GNAL: variants seen among roughly 807,000 people sequenced by gnomAD.
GNAL encodes the protein G protein subunit alpha L.
Under a neutral mutation model 55.1 loss-of-function variants are expected in GNAL, and 18 were observed. The ratio of observed to expected loss-of-function variants is 0.33; its 90% CI spans 0.23 to 0.48. GNAL has a LOEUF of 0.48. GNAL is among the 20% of genes least tolerant of loss of function. The pLI is 0.99. For missense variants in GNAL, 412 were observed against 614.1 expected, an observed-to-expected ratio of 0.67 and a Z score of 3.48; for synonymous variants, 253 against 237.0, an observed-to-expected ratio of 1.07 and a Z score of -0.62.
In GNAL at chr18:11,864,618, G is replaced by C. The variant is rs766211598; in HGVS notation, c.851+12G>C. 54 of 1,429,774 alleles carry C rather than the reference G, an allele frequency of 3.8e-5. No individual in the cohort carries two copies. The South Asian group carries it at 5.8e-4, about 15-fold the overall frequency. 88.6% of individuals were successfully genotyped at this position (1,429,774 alleles called of 1,614,324 possible). A position where few individuals can be genotyped will look rare whatever the true frequency, so the allele number is the denominator to read the frequency against. On this transcript the variant is annotated intron_variant, in intron 7 of 11. Coordinates refer to ENST00000334049, the MANE Select transcript of GNAL (RefSeq NM_182978.4). Reference sequence around the variant, plus strand: ...AAAGTAAACTTCCAGTGAGTATGTTGTTAAGAGCTGCATGGCCCAGGGCCA... The same window carrying C: ...AAAGTAAACTTCCAGTGAGTATGTTCTTAAGAGCTGCATGGCCCAGGGCCA...
At chr18:11,813,607 T>C (rs1164137983) in intron 4 of GNAL, among the ~76,000 whole-genome samples, 2 of 152,230 alleles carry the variant, frequency 1.3e-5, no homozygotes, top group African/African-American at 4.8e-5. Context: ...ATTTGAAGAC[T>C]TACTAGAAAG....
chr18:11,853,590 A>G (rs562878420), intron 5 of GNAL: 56 of 167,158 alleles, frequency 3.4e-4, no homozygotes, highest in South Asian at 2.7e-3. Context: ...ACTATTCACT[A>G]TTATAACATG....
intron 4 of GNAL, among the ~76,000 whole-genome samples, chr18:11,758,564 C>T (rs1426887649): frequency 6.6e-6 from 1 of 152,174 alleles, no homozygotes; most frequent in Non-Finnish European, 1.5e-5. Flanking sequence ...GAGACAAGGT[C>T]AGCATATGTT....
At chr18:11,814,441 T>C (rs2034900157) in intron 4 of GNAL, among the ~76,000 whole-genome samples, 1 of 151,922 alleles carries the variant, frequency 6.6e-6, no homozygotes, top group East Asian at 1.9e-4. Context: ...GGCAGGGGAA[T>C]TGCTTGAACC....
At chr18:11,744,475 A>G (rs1177726943) in intron 1 of GNAL, among the ~76,000 whole-genome samples, 1 of 152,190 alleles carries the variant, frequency 6.6e-6, no homozygotes. Context: ...GCTAAAAATG[A>G]ATGATCATCT....
chr18:11,745,644 C>T (rs2032672449), intron 1 of GNAL: 1 of 155,546 alleles, frequency 6.4e-6, no homozygotes, highest in South Asian at 2.0e-4. Flanking sequence ...TTTGGGCCCT[C>T]TTTGGCAGCA....
At chr18:11,786,122 C>G (rs1176096192) in intron 4 of GNAL, among the ~76,000 whole-genome samples, 1 of 152,116 alleles carries the variant, frequency 6.6e-6, no homozygotes, top group Non-Finnish European at 1.5e-5. Flanking sequence ...CTTATTTCAG[C>G]TTATAATTCA....
At position 11,761,469 on chromosome 18, in the gene GNAL, CCTT is replaced by C. The variant is rs199717367; in HGVS notation, c.624+7527_624+7529del. Among the ~76,000 whole-genome samples the C allele has an allele frequency of 6.8e-3, 1,036 of 152,312 alleles. 13 individuals are homozygous for C. Among genetic ancestry groups the C allele is most frequent in the African/African-American group, 0.023 (970 of 41,548 alleles). On this transcript the variant is annotated intron_variant, in intron 4 of 11. Transcript: ENST00000334049. Reference sequence around the variant, plus strand: ...CCAGCAGGCCCCAGAGCTCGGCTCTCCTTCTCTTTCTCTACCTTATTTTCAGTT... The same window carrying C: ...CCAGCAGGCCCCAGAGCTCGGCTCTCCTCTTTCTCTACCTTATTTTCAGTT...
chr18:11,804,033 G>T (rs2034593221), intron 4 of GNAL, among the ~76,000 whole-genome samples: 3 of 150,388 alleles, frequency 2.0e-5, no homozygotes, highest in South Asian at 4.2e-4. Flanking sequence ...GAGATACTGT[G>T]TAGTGGTGAA....
At chr18:11,799,320 G>C (rs1184136848) in intron 4 of GNAL, among the ~76,000 whole-genome samples, 2 of 152,158 alleles carry the variant, frequency 1.3e-5, no homozygotes, top group Non-Finnish European at 2.9e-5. Context: ...TTGTCTTAGG[G>C]AAAGTGTAAA....
intron 1 of GNAL, among the ~76,000 whole-genome samples, chr18:11,733,201 G>GTCCCC (rs1441402550): frequency 6.6e-6 from 1 of 152,242 alleles, no homozygotes; most frequent in African/African-American, 2.4e-5. Flanking sequence ...AGCTGCGCCC[G>GTCCCC]GGCGCGGGGA....
intron 1 of GNAL, among the ~76,000 whole-genome samples, chr18:11,741,079 C>T (rs892546368): frequency 6.6e-6 from 1 of 152,228 alleles, no homozygotes; most frequent in Non-Finnish European, 1.5e-5. Context: ...GCTAAGGCAA[C>T]TGGGCAAAGA....
chr18:11,736,509 AGTT>A (rs372956613), intron 1 of GNAL, among the ~76,000 whole-genome samples: 290 of 152,356 alleles, frequency 1.9e-3, no homozygotes, highest in African/African-American at 6.7e-3. Context: ...TTTGTACAGC[AGTT>A]GTTCTGAAAG....
chr18:11,871,253 C>CTTT (rs759232588), intron 9 of GNAL, among the ~76,000 whole-genome samples: 1 of 138,656 alleles, frequency 7.2e-6, no homozygotes, highest in African/African-American at 2.6e-5. Context: ...GTTTTTCTTT[C>CTTT]TTTTTTTTTT....
intron 4 of GNAL, among the ~76,000 whole-genome samples, chr18:11,765,793 T>A (rs959487862): frequency 6.6e-6 from 1 of 152,210 alleles, no homozygotes; most frequent in Non-Finnish European, 1.5e-5. Context: ...TACCATTTTT[T>A]TTATTATTAT....
chr18:11,690,591 T>C (rs1358696515), intron 1 of GNAL, among the ~76,000 whole-genome samples: 5 of 146,514 alleles, frequency 3.4e-5, no homozygotes, highest in Non-Finnish European at 6.0e-5. Flanking sequence ...GTATATCTCC[T>C]AAAGCTATCC....
chr18:11,784,525 G>A (rs528357919), intron 4 of GNAL, among the ~76,000 whole-genome samples: 2 of 152,340 alleles, frequency 1.3e-5, no homozygotes, highest in African/African-American at 4.8e-5. Flanking sequence ...TGCCCAAAAA[G>A]AGCCACATGA....
intron 1 of GNAL, among the ~76,000 whole-genome samples, chr18:11,711,069 G>C (rs1463754940): frequency 6.6e-6 from 1 of 152,100 alleles, no homozygotes; most frequent in African/African-American, 2.4e-5. Flanking sequence ...TAGAGACGAG[G>C]TTTCACCGTG....
intron 4 of GNAL, among the ~76,000 whole-genome samples, chr18:11,765,911 T>G (rs1396207451): frequency 6.6e-6 from 1 of 152,218 alleles, no homozygotes; most frequent in African/African-American, 2.4e-5. Flanking sequence ...TATTGGAAGT[T>G]TGTTGTTCAT....
Sources: gnomAD v4.1 joint callset for allele counts (sites outside exome capture counted in the v4.1 genomes callset) on GRCh38, gnomAD v4.1.1 for gene constraint, MANE v1.5 for transcripts, NCBI Gene and HGNC (gene_info 2026-07-23, HGNC 2026-07-21) for gene names.